DMD: variants seen among roughly 807,000 people sequenced by gnomAD.
DMD encodes the protein dystrophin.
In DMD, 63 loss-of-function variants were observed where a neutral mutation model predicts 330.1. The ratio of observed to expected loss-of-function variants is 0.19; its 90% CI spans 0.16 to 0.24. The LOEUF is 0.24. Ranked by LOEUF, DMD falls within the 10% of genes least tolerant of loss-of-function variation. DMD has a pLI of 1.00. For synonymous variants in DMD, 1,223 were observed against 959.8 expected, an observed-to-expected ratio of 1.27 and a Z score of -5.07; for missense variants, 3,344 against 2,684.1, an observed-to-expected ratio of 1.25 and a Z score of -5.43.
intron 55 of DMD, among the ~76,000 whole-genome samples, chrX:31,579,285 T>C (rs2076239936): frequency 8.9e-6 from 1 of 112,170 alleles, no homozygotes; most frequent in African/African-American, 3.2e-5. Flanking sequence ...TAATGAGCAA[T>C]CCAACAACAT....
intron 59 of DMD, among the ~76,000 whole-genome samples, chrX:31,466,406 C>T (rs1238924450): frequency 8.9e-6 from 1 of 111,997 alleles, no homozygotes; most frequent in Admixed American, 9.5e-5. Context: ...TTACCCAGCA[C>T]CATTTACTGA....
At chrX:33,008,827 C>CACATATAT (rs1569548691) in intron 2 of DMD, among the ~76,000 whole-genome samples, 2 of 41,066 alleles carry the variant, frequency 4.9e-5, no homozygotes, top group Non-Finnish European at 1.0e-4. Flanking sequence ...TAAATGTATA[C>CACATATAT]GTATATATAT....
intron 7 of DMD, among the ~76,000 whole-genome samples, chrX:32,776,887 G>T (rs1324440645): frequency 9.0e-6 from 1 of 111,447 alleles, no homozygotes; most frequent in Non-Finnish European, 1.9e-5. Context: ...CCAAAAATAT[G>T]CTTGTGCATG....
At chrX:33,249,918 C>G (rs1023046746) in intron 1 of DMD, among the ~76,000 whole-genome samples, 78 of 109,294 alleles carry the variant, frequency 7.1e-4, no homozygotes, top group Admixed American at 6.9e-4. Flanking sequence ...CACCATCTGA[C>G]ATTTTTATTA....
chrX:31,538,666 T>C (rs1291617646), intron 55 of DMD, among the ~76,000 whole-genome samples: 1 of 112,442 alleles, frequency 8.9e-6, no homozygotes, highest in African/African-American at 3.2e-5. Context: ...CATTGTTTCA[T>C]AAAATTCTAT....
intron 76 of DMD, among the ~76,000 whole-genome samples, chrX:31,141,865 G>A (rs771258798): frequency 1.7e-4 from 19 of 111,273 alleles, no homozygotes; most frequent in Admixed American, 2.9e-4. Context: ...AGTGAAGAAC[G>A]GTGAAGGGGA....
chrX:31,772,732 C>T (rs1393749653), intron 51 of DMD, among the ~76,000 whole-genome samples: 1 of 111,973 alleles, frequency 8.9e-6, no homozygotes, highest in African/African-American at 3.2e-5. Context: ...GGGAATTTGA[C>T]ATCTATGAGC....
intron 53 of DMD, among the ~76,000 whole-genome samples, chrX:31,671,014 G>A (rs1016976955): frequency 1.0e-4 from 11 of 110,199 alleles, no homozygotes; most frequent in South Asian, 7.8e-4. Flanking sequence ...CAGGGTTCGC[G>A]CCATTCTCCT....
At chrX:32,174,214 T>C (rs757062754) in intron 44 of DMD, among the ~76,000 whole-genome samples, 3 of 112,456 alleles carry the variant, frequency 2.7e-5, no homozygotes, top group African/African-American at 9.7e-5. Context: ...GAAATAAGAC[T>C]GGACAACAGG....
At position 32,501,744 on chromosome X, in the gene DMD, C is replaced by T. The variant is rs183120304; in HGVS notation, c.2380+11G>A. Reference sequence around the variant, plus strand: ...CCTAAGAAGATTATCTAAATCAACTCGTGTAATTACCATTCACCATCTGTT... The same window carrying T: ...CCTAAGAAGATTATCTAAATCAACTTGTGTAATTACCATTCACCATCTGTT... On this transcript the variant is annotated intron_variant, in intron 19 of 78. Coordinates refer to ENST00000357033, the MANE Select transcript of DMD (RefSeq NM_004006.3). The T allele has an allele frequency of 4.1e-4, 487 of 1,177,235 alleles. No homozygotes were observed. The African/African-American group carries it at 7.2e-3, about 17-fold the overall frequency.
chrX:32,033,657 A>G (rs866062013), intron 44 of DMD, among the ~76,000 whole-genome samples: 12 of 71,654 alleles, frequency 1.7e-4, no homozygotes, highest in African/African-American at 2.1e-4. Flanking sequence ...AAGAAAGAAG[A>G]AAGAAAGAAA....
At chrX:32,326,268 A>T (rs960990876) in intron 41 of DMD, among the ~76,000 whole-genome samples, 1 of 112,363 alleles carries the variant, frequency 8.9e-6, no homozygotes, top group African/African-American at 3.2e-5. Flanking sequence ...TATACCTGCA[A>T]TAAAAAGCAG....
intron 52 of DMD, among the ~76,000 whole-genome samples, chrX:31,686,647 C>G (rs1446722558): frequency 8.9e-6 from 1 of 112,345 alleles, no homozygotes; most frequent in Non-Finnish European, 1.9e-5. Flanking sequence ...TAAGCCAAAA[C>G]TAATCAATGA....
intron 4 of DMD, among the ~76,000 whole-genome samples, chrX:32,824,663 G>A (rs1603441726): frequency 9.0e-6 from 1 of 111,520 alleles, no homozygotes; most frequent in Admixed American, 9.6e-5. Context: ...TTGTAATGGT[G>A]GAACTGTTCT....
At chrX:31,630,508 T>C (rs2079079813) in intron 54 of DMD, among the ~76,000 whole-genome samples, 1 of 111,220 alleles carries the variant, frequency 9.0e-6, no homozygotes, top group African/African-American at 3.3e-5. Context: ...TGTGTGTACG[T>C]TGAATCCCTA....
At chrX:31,858,897 G>A (rs1238927528) in intron 48 of DMD, among the ~76,000 whole-genome samples, 1 of 111,489 alleles carries the variant, frequency 9.0e-6, no homozygotes, top group African/African-American at 3.3e-5. Flanking sequence ...GCTTCAAGTT[G>A]CTCCAACTTT....
intron 55 of DMD, among the ~76,000 whole-genome samples, chrX:31,530,281 T>TTAAACCTAAAATCCA (rs1569549731): frequency 8.9e-6 from 1 of 112,061 alleles, no homozygotes; most frequent in Non-Finnish European, 1.9e-5. Flanking sequence ...AAGAACTGGT[T>TTAAACCTAAAATCCA]TAAACCTAAA....
At chrX:31,838,217 T>C (rs899885384) in intron 48 of DMD, among the ~76,000 whole-genome samples, 101 of 111,599 alleles carry the variant, frequency 9.1e-4, no homozygotes, top group African/African-American at 3.1e-3. Context: ...GAATACCGCA[T>C]TTGCAAAAAA....
intron 17 of DMD, 80 bp from the exon 18 acceptor site, chrX:32,518,211 T>C: frequency 1.0e-6 from 1 of 993,451 alleles, no homozygotes. Context: ...TATCCACATT[T>C]ATCATTCTTT....
Sources: gnomAD v4.1 joint callset for allele counts (sites outside exome capture counted in the v4.1 genomes callset) on GRCh38, gnomAD v4.1.1 for gene constraint, MANE v1.5 for transcripts, NCBI Gene and HGNC (gene_info 2026-07-23, HGNC 2026-07-21) for gene names.